The following BRD10 variants were observed in gnomAD, a reference collection of about 807,000 sequenced individuals.
BRD10 encodes uncharacterized bromodomain-containing protein 10.
chr9:5,947,279 C>A, the BRD10 span, among the ~76,000 whole-genome samples: 1 of 152,004 alleles, frequency 6.6e-6, no homozygotes, highest in African/African-American at 2.4e-5. Context: ...TGAGGTGAGA[C>A]CTTGGATTCT....
At chr9:5,984,300 G>C in the BRD10 span, among the ~76,000 whole-genome samples, 314 of 152,208 alleles carry the variant, frequency 2.1e-3, 1 homozygote, top group African/African-American at 7.3e-3. Flanking sequence ...AACACATGTA[G>C]AAGGAAGGCA....
the BRD10 span, chr9:5,923,113 T>C: frequency 6.2e-7 from 1 of 1,613,972 alleles, no homozygotes; most frequent in Non-Finnish European, 8.5e-7. Context: ...GATTCTCAAC[T>C]GTTGTCTCAT....
the BRD10 span, among the ~76,000 whole-genome samples, chr9:5,965,401 A>G: frequency 6.6e-6 from 1 of 152,258 alleles, no homozygotes; most frequent in African/African-American, 2.4e-5. Flanking sequence ...CAGGCCCAGA[A>G]TAACTTAACA....
At chr9:5,954,743 A>T in the BRD10 span, among the ~76,000 whole-genome samples, 1 of 152,184 alleles carries the variant, frequency 6.6e-6, no homozygotes, top group Non-Finnish European at 1.5e-5. Context: ...TATACACTGA[A>T]ATATATCTAC....
chr9:5,908,796 G>C, the BRD10 span: 1 of 1,328,166 alleles, frequency 7.5e-7, no homozygotes. Flanking sequence ...TTCTCCTTTG[G>C]AATGGTGTAG....
At chr9:6,007,164 G>C in the BRD10 span, 1 of 1,594,912 alleles carries the variant, frequency 6.3e-7, no homozygotes, top group Non-Finnish European at 8.6e-7. Context: ...GTGTCAGTCT[G>C]TCAGTCCCAC....
the BRD10 span, among the ~76,000 whole-genome samples, chr9:5,934,658 G>A: frequency 3.3e-5 from 5 of 151,948 alleles, no homozygotes; most frequent in East Asian, 3.9e-4. Flanking sequence ...GAGCCACTGC[G>A]CCCGGCCATA....
chr9:5,934,258 C>T, the BRD10 span, among the ~76,000 whole-genome samples: 4 of 151,778 alleles, frequency 2.6e-5, no homozygotes, highest in African/African-American at 2.4e-5. Flanking sequence ...AGATCACAGA[C>T]ACATGAAGCA....
the BRD10 span, among the ~76,000 whole-genome samples, chr9:5,993,424 A>C: frequency 6.6e-6 from 1 of 152,296 alleles, no homozygotes; most frequent in South Asian, 2.1e-4. Flanking sequence ...TCCTGGAAAG[A>C]AATAGATAAT....
the BRD10 span, among the ~76,000 whole-genome samples, chr9:5,916,104 G>C: frequency 6.6e-6 from 1 of 152,184 alleles, no homozygotes; most frequent in Non-Finnish European, 1.5e-5. Flanking sequence ...CTGAATAAAT[G>C]TGTAAGAATA....
the BRD10 span, among the ~76,000 whole-genome samples, chr9:5,973,561 G>C: frequency 6.6e-6 from 1 of 152,160 alleles, no homozygotes; most frequent in Non-Finnish European, 1.5e-5. Flanking sequence ...GGAAGAGACA[G>C]ACCAAAGAAA....
chr9:5,921,484 C>A, the BRD10 span: 3 of 1,613,874 alleles, frequency 1.9e-6, no homozygotes, highest in East Asian at 2.2e-5. Context: ...AAACTAATTT[C>A]TGGGCAGAAA....
chr9:5,976,110 T>A, the BRD10 span, among the ~76,000 whole-genome samples: 1 of 152,190 alleles, frequency 6.6e-6, no homozygotes, highest in Non-Finnish European at 1.5e-5. Flanking sequence ...TGATTCTGAG[T>A]CATGGGCTTG....
the BRD10 span, among the ~76,000 whole-genome samples, chr9:5,906,097 G>C: frequency 1.3e-5 from 2 of 151,684 alleles, no homozygotes; most frequent in Non-Finnish European, 1.5e-5. Flanking sequence ...CATGCCTATA[G>C]TCTCAGCTAC....
chr9:6,004,231 G>T, the BRD10 span, among the ~76,000 whole-genome samples: 1 of 151,972 alleles, frequency 6.6e-6, no homozygotes, highest in African/African-American at 2.4e-5. Context: ...AATTCCTCTT[G>T]TACTTTGTTC....
the BRD10 span, chr9:5,920,137 G>A: frequency 6.2e-7 from 1 of 1,613,894 alleles, no homozygotes; most frequent in Non-Finnish European, 8.5e-7. Flanking sequence ...GTAGAGGTTG[G>A]CCACTTAAGG....
chr9:5,888,573 T>C, the BRD10 span, among the ~76,000 whole-genome samples: 10 of 152,350 alleles, frequency 6.6e-5, 1 homozygote, highest in African/African-American at 2.4e-4. Context: ...ACAATGCATT[T>C]GGCCCTGGAA....
At chr9:5,884,261 C>T in the BRD10 span, among the ~76,000 whole-genome samples, 6 of 152,244 alleles carry the variant, frequency 3.9e-5, no homozygotes, top group Non-Finnish European at 8.8e-5. Context: ...AATAGATTTA[C>T]TGCAAGTCTG....
At chr9:5,968,956 T>C in the BRD10 span, 2 of 1,611,406 alleles carry the variant, frequency 1.2e-6, no homozygotes, top group South Asian at 1.1e-5. Context: ...GCCACACTTT[T>C]TGGTAAAAAG....
Sources: allele counts gnomAD v4.1 joint callset (sites outside exome capture counted in the v4.1 genomes callset), GRCh38; gene constraint gnomAD v4.1.1; transcripts MANE v1.5; gene names NCBI Gene and HGNC (gene_info 2026-07-23, HGNC 2026-07-21).